The following CBFA2T3 variants were observed in gnomAD, a reference collection of about 807,000 sequenced individuals.
The protein encoded by CBFA2T3 is transcriptional corepressor CBFA2T3.
Under a neutral mutation model 58.6 loss-of-function variants are expected in CBFA2T3, and 31 were observed. That is an observed-to-expected ratio of 0.53 (90% CI 0.40 to 0.71). CBFA2T3 has a LOEUF of 0.71. Among genes scored for constraint, CBFA2T3 ranks in the 30% least tolerant of loss-of-function variants. The pLI is 0.00. For synonymous variants in CBFA2T3, 531 were observed against 421.9 expected, an observed-to-expected ratio of 1.26 and a Z score of -3.17; for missense variants, 1,076 against 963.1, an observed-to-expected ratio of 1.12 and a Z score of -1.55.
Position 88,886,022 on chromosome 16 carries a change from TG to T in CBFA2T3, c.831del (p.Ile278SerfsTer44). The T allele has an allele frequency of 6.4e-7, 1 of 1,567,400 alleles. No individual in the cohort carries two copies. On this transcript the variant is annotated frameshift_variant, in exon 6 of 12. Transcript: ENST00000268679. LOFTEE classifies it high-confidence loss of function. ...TCCAGTAGCAGCTCTGAGGAGTCGA[TG>T]GGGGAGGAGGCGCTGGCGTCCAGCA... ...QLLLDASASS[P>X]IDSSELLLEV...
intron 1 of CBFA2T3, among the ~76,000 whole-genome samples, chr16:88,917,264 G>A (rs1018973104): frequency 2.0e-5 from 3 of 152,156 alleles, no homozygotes; most frequent in Admixed American, 6.5e-5. Context: ...AGACACAAGC[G>A]GAGCGGAGAA....
At chr16:88,966,829 G>A (rs1043765703) in intron 1 of CBFA2T3, among the ~76,000 whole-genome samples, 2 of 152,230 alleles carry the variant, frequency 1.3e-5, no homozygotes, top group South Asian at 2.1e-4. Flanking sequence ...GATGCAGCAC[G>A]CCCACTGCTG....
chr16:88,927,357 G>C (rs1462554096), intron 1 of CBFA2T3, among the ~76,000 whole-genome samples: 1 of 152,234 alleles, frequency 6.6e-6, no homozygotes, highest in East Asian at 1.9e-4. Flanking sequence ...TGTGGGGAGA[G>C]GCAGCTGGAA....
chr16:88,968,073 T>C (rs917060234), intron 1 of CBFA2T3, among the ~76,000 whole-genome samples: 1 of 152,180 alleles, frequency 6.6e-6, no homozygotes, highest in Non-Finnish European at 1.5e-5. Context: ...TGGGGCTGAG[T>C]TGGGACCATG....
chr16:88,972,972 T>C (rs1287988367), intron 1 of CBFA2T3, among the ~76,000 whole-genome samples: 1 of 152,158 alleles, frequency 6.6e-6, no homozygotes, highest in Non-Finnish European at 1.5e-5. Context: ...CGTCTTGTCA[T>C]GCACACACTG....
intron 1 of CBFA2T3, among the ~76,000 whole-genome samples, chr16:88,942,586 C>T (rs1264806773): frequency 6.6e-6 from 1 of 152,114 alleles, no homozygotes; most frequent in Non-Finnish European, 1.5e-5. Flanking sequence ...AAACCCAGAA[C>T]GGGGGCTCCG....
intron 1 of CBFA2T3, among the ~76,000 whole-genome samples, chr16:88,932,576 G>T (rs1971348071): frequency 6.6e-6 from 1 of 151,992 alleles, no homozygotes; most frequent in Non-Finnish European, 1.5e-5. Context: ...GAGCCTAGGA[G>T]GTTAAGGCAG....
At position 88,890,404 on chromosome 16, in the gene CBFA2T3, C is replaced by T. The variant is rs546250231; in HGVS notation, c.711+1478G>A. Among the ~76,000 whole-genome samples, 4 of 152,350 alleles carry T rather than the reference C, an allele frequency of 2.6e-5. 1 individual carries two copies. In the South Asian group the frequency reaches 6.2e-4, roughly 24 times the overall value. On this transcript the variant is annotated intron_variant, in intron 5 of 11. Transcript: ENST00000268679. ...GTCCTCTGGACCCCCGAGGGGAGGC[C>T]TGGCCCAGCAGAGATGGAGCCCACA...
chr16:88,898,260 G>A, intron 2 of CBFA2T3, 108 bp from the exon 3 acceptor site: 1 of 828,264 alleles, frequency 1.2e-6, no homozygotes. Context: ...GTGATTTTTG[G>A]TGGGGGCGTG....
At chr16:88,891,811 G>A (rs889273680) in intron 5 of CBFA2T3, 71 bp downstream of exon 5, 13 of 1,076,374 alleles carry the variant, frequency 1.2e-5, no homozygotes, top group Non-Finnish European at 1.6e-5. Flanking sequence ...CGCTGTCCAC[G>A]CTGGCAAGGA....
rs190364104 is a variant in CBFA2T3 at position 88,929,797 on chromosome 16, G to A, written c.152-28141C>T. On this transcript the variant is annotated intron_variant, in intron 1 of 11. Coordinates refer to ENST00000268679, the MANE Select transcript of CBFA2T3 (RefSeq NM_005187.6). The stretch of plus-strand genomic sequence containing the variant: ...CACGCAAAAGCTACCAATACCCACA[G>A]CTGCATGGTCCACACAAAAGCTACC... Among the ~76,000 whole-genome samples the A allele has an allele frequency of 3.7e-3, 546 of 148,814 alleles. 11 individuals are homozygous for A. Among genetic ancestry groups the A allele is most frequent in the African/African-American group, 0.013 (516 of 38,890 alleles).
intron 1 of CBFA2T3, among the ~76,000 whole-genome samples, chr16:88,965,811 T>C (rs1972486738): frequency 6.6e-6 from 1 of 152,168 alleles, no homozygotes; most frequent in African/African-American, 2.4e-5. Context: ...CAATTTCATC[T>C]TATAGGGGAA....
chr16:88,907,794 C>A (rs1256040029), intron 1 of CBFA2T3, among the ~76,000 whole-genome samples: 1 of 152,254 alleles, frequency 6.6e-6, no homozygotes, highest in Non-Finnish European at 1.5e-5. Flanking sequence ...TCCCCTCACC[C>A]CAGAGCAGGG....
intron 1 of CBFA2T3, among the ~76,000 whole-genome samples, chr16:88,903,963 C>T (rs1296624480): frequency 1.3e-5 from 2 of 152,238 alleles, no homozygotes; most frequent in African/African-American, 4.8e-5. Flanking sequence ...GTGCCGGGCG[C>T]TGGACGGGCG....
intron 1 of CBFA2T3, chr16:88,957,720 G>A (rs1460263621): frequency 6.6e-6 from 1 of 152,316 alleles, no homozygotes; most frequent in Non-Finnish European, 1.5e-5. Flanking sequence ...ACACGCTCCA[G>A]TGGGGATGGA....
chr16:88,948,765 C>G (rs558433270), intron 1 of CBFA2T3, among the ~76,000 whole-genome samples: 1 of 152,186 alleles, frequency 6.6e-6, no homozygotes, highest in Non-Finnish European at 1.5e-5. Context: ...TCCTGTAAAA[C>G]GGGGCTAAGA....
intron 1 of CBFA2T3, among the ~76,000 whole-genome samples, chr16:88,901,941 C>A (rs1970115151): frequency 6.6e-6 from 1 of 152,218 alleles, no homozygotes; most frequent in Non-Finnish European, 1.5e-5. Context: ...CCACTCCAGG[C>A]TTGAGGCTTC....
chr16:88,948,527 A>C (rs1971964790), intron 1 of CBFA2T3, among the ~76,000 whole-genome samples: 1 of 152,212 alleles, frequency 6.6e-6, no homozygotes, highest in Non-Finnish European at 1.5e-5. Flanking sequence ...ACCCTCCCGG[A>C]GGCAGGGAGG....
intron 1 of CBFA2T3, among the ~76,000 whole-genome samples, chr16:88,969,515 C>T (rs1040025186): frequency 6.6e-6 from 1 of 152,196 alleles, no homozygotes; most frequent in African/African-American, 2.4e-5. Flanking sequence ...AGGGGCTCGC[C>T]GCCACCCCGT....
Sources: gnomAD v4.1 joint callset for allele counts (sites outside exome capture counted in the v4.1 genomes callset) on GRCh38, gnomAD v4.1.1 for gene constraint, MANE v1.5 for transcripts, NCBI Gene and HGNC (gene_info 2026-07-23, HGNC 2026-07-21) for gene names.